RBFOX1: variants seen among roughly 807,000 people sequenced by gnomAD.
The protein encoded by RBFOX1 is RNA binding protein fox-1 homolog 1.
Under a neutral mutation model 57.7 loss-of-function variants are expected in RBFOX1, and 8 were observed. That is an observed-to-expected ratio of 0.14 (90% CI 0.08 to 0.25). The LOEUF is 0.25. RBFOX1 is among the 10% of genes least tolerant of loss of function. RBFOX1 has a pLI of 1.00. For synonymous variants in RBFOX1, 326 were observed against 222.4 expected, an observed-to-expected ratio of 1.47 and a Z score of -4.15; for missense variants, 611 against 548.5, an observed-to-expected ratio of 1.11 and a Z score of -1.14.
intron 4 of RBFOX1, among the ~76,000 whole-genome samples, chr16:7,193,931 T>C (rs1330637046): frequency 3.3e-5 from 5 of 152,086 alleles, no homozygotes; most frequent in Admixed American, 2.6e-4. Context: ...GTTGAAAATA[T>C]AGTAGCATCT....
intron 3 of RBFOX1, among the ~76,000 whole-genome samples, chr16:6,847,940 C>T (rs1249325635): frequency 6.6e-6 from 1 of 152,024 alleles, no homozygotes; most frequent in Non-Finnish European, 1.5e-5. Context: ...AGCAATTATC[C>T]TGCCTCAGCC....
chr16:6,645,803 T>C (rs2098529543), intron 2 of RBFOX1, among the ~76,000 whole-genome samples: 1 of 152,174 alleles, frequency 6.6e-6, no homozygotes, highest in African/African-American at 2.4e-5. Context: ...GTGTATTGGA[T>C]ATGCCTAGCC....
At chr16:6,659,558 C>G (rs553105387) in intron 3 of RBFOX1, among the ~76,000 whole-genome samples, 1 of 152,268 alleles carries the variant, frequency 6.6e-6, no homozygotes, top group South Asian at 2.1e-4. Context: ...AAAGGAAGCT[C>G]AGGCACATTT....
At chr16:6,619,628 A>C (rs2098196793) in intron 2 of RBFOX1, among the ~76,000 whole-genome samples, 1 of 151,686 alleles carries the variant, frequency 6.6e-6, no homozygotes, top group Admixed American at 6.6e-5. Flanking sequence ...GGTGTGCGTA[A>C]ACCTGTGCCC....
intron 3 of RBFOX1, among the ~76,000 whole-genome samples, chr16:5,805,476 T>G (rs1241171644): frequency 3.9e-5 from 6 of 152,182 alleles, no homozygotes; most frequent in Non-Finnish European, 8.8e-5. Context: ...ATTTCAGGGT[T>G]GGAGATCCAA....
rs543337145 is a variant in RBFOX1 at position 6,835,093 on chromosome 16, C to T, written c.-16+180443C>T. ...TATTTTTTAGTAGAGACGGGTTAGC[C>T]AGGATGTTAGTGTTAGCCAGGATGG... is the stretch of plus-strand genomic sequence containing the variant. On this transcript the variant is annotated intron_variant, in intron 3 of 15. Coordinates refer to ENST00000550418, the MANE Select transcript of RBFOX1 (RefSeq NM_018723.4). Among the ~76,000 whole-genome samples, 5 of 151,946 alleles carry T rather than the reference C, an allele frequency of 3.3e-5. No homozygotes were observed. In the South Asian group the frequency reaches 8.3e-4, roughly 25 times the overall value.
At chr16:6,876,720 G>C (rs1296019826) in intron 3 of RBFOX1, among the ~76,000 whole-genome samples, 1 of 152,092 alleles carries the variant, frequency 6.6e-6, no homozygotes, top group Non-Finnish European at 1.5e-5. Flanking sequence ...GTCTGATCAA[G>C]AGAGAACCCA....
chr16:6,627,586 A>T (rs2098327632), intron 2 of RBFOX1, among the ~76,000 whole-genome samples: 1 of 152,168 alleles, frequency 6.6e-6, no homozygotes, highest in Non-Finnish European at 1.5e-5. Flanking sequence ...AAGAACTATG[A>T]ACGCTAGACT....
chr16:5,502,323 G>T (rs1379362642), intron 2 of RBFOX1, among the ~76,000 whole-genome samples: 2 of 152,290 alleles, frequency 1.3e-5, no homozygotes, highest in East Asian at 3.9e-4. Context: ...TTCTGTGCTG[G>T]TGTGTCCCAG....
At chr16:7,526,560 G>A (rs1168446397) in intron 5 of RBFOX1, among the ~76,000 whole-genome samples, 1 of 152,138 alleles carries the variant, frequency 6.6e-6, no homozygotes, top group African/African-American at 2.4e-5. Flanking sequence ...GAACAACAGA[G>A]TTCTTTTCCT....
chr16:6,084,068 C>A (rs950091908), intron 1 of RBFOX1, among the ~76,000 whole-genome samples: 3 of 152,088 alleles, frequency 2.0e-5, no homozygotes, highest in African/African-American at 7.2e-5. Context: ...ACTTTTTGAC[C>A]CTGAGCAACT....
chr16:7,229,652 AGGGAGGAAGGGCAAAGGAAG>A (rs2093364468), intron 4 of RBFOX1, among the ~76,000 whole-genome samples: 2 of 89,022 alleles, frequency 2.2e-5, no homozygotes, highest in Admixed American at 1.1e-4. Flanking sequence ...AGGGAGAGAG[AGGGAGGAAGGGCAAAGGAAG>A]TAAGGGAGAG....
chr16:7,645,079 C>T (rs1370470602), intron 11 of RBFOX1, among the ~76,000 whole-genome samples: 2 of 152,170 alleles, frequency 1.3e-5, no homozygotes, highest in East Asian at 1.9e-4. Flanking sequence ...ATCAGGCCAG[C>T]ACGTTGTCAC....
chr16:6,076,236 T>A (rs372566413), intron 1 of RBFOX1, among the ~76,000 whole-genome samples: 1 of 151,902 alleles, frequency 6.6e-6, no homozygotes, highest in East Asian at 1.9e-4. Flanking sequence ...GAGGCGGAAG[T>A]TGCAGTGAGC....
chr16:5,280,243 A>G (rs1450227966), intron 1 of RBFOX1, among the ~76,000 whole-genome samples: 2 of 152,088 alleles, frequency 1.3e-5, no homozygotes, highest in African/African-American at 2.4e-5. Flanking sequence ...ACATGTATTG[A>G]TTTGTGTATG....
chr16:5,944,090 C>G (rs545547167), intron 4 of RBFOX1, among the ~76,000 whole-genome samples: 30 of 152,306 alleles, frequency 2.0e-4, no homozygotes, highest in African/African-American at 6.0e-4. Flanking sequence ...CATAGAGCAT[C>G]AATTCCATTC....
At chr16:7,449,625 C>T (rs1422999115) in intron 4 of RBFOX1, among the ~76,000 whole-genome samples, 3 of 151,184 alleles carry the variant, frequency 2.0e-5, no homozygotes, top group South Asian at 2.1e-4. Flanking sequence ...CCTGCACATC[C>T]CCAGTGCCTG....
chr16:6,579,708 T>A (rs1382491026), intron 2 of RBFOX1, among the ~76,000 whole-genome samples: 1 of 152,144 alleles, frequency 6.6e-6, no homozygotes, highest in Non-Finnish European at 1.5e-5. Context: ...GTCTCAGGTA[T>A]ATCTTTAGTA....
At chr16:6,738,372 C>T (rs755960239) in intron 3 of RBFOX1, among the ~76,000 whole-genome samples, 1 of 152,126 alleles carries the variant, frequency 6.6e-6, no homozygotes, top group South Asian at 2.1e-4. Context: ...GTCCGGGGAG[C>T]AAGGCACCTG....
Sources: gnomAD v4.1 joint callset for allele counts (sites outside exome capture counted in the v4.1 genomes callset) on GRCh38, gnomAD v4.1.1 for gene constraint, MANE v1.5 for transcripts, NCBI Gene and HGNC (gene_info 2026-07-23, HGNC 2026-07-21) for gene names.